The following PRR5L variants were observed in gnomAD, a reference collection of about 807,000 sequenced individuals.
The protein encoded by PRR5L is proline-rich protein 5-like.
A neutral mutation model predicts 36.4 loss-of-function variants in PRR5L; 21 were observed. The observed-to-expected ratio is 0.58, with a 90% CI of 0.41 to 0.83. The LOEUF (loss-of-function observed/expected upper bound fraction) is 0.83. Among genes scored for constraint, PRR5L ranks in the 40% least tolerant of loss-of-function variants. PRR5L has a pLI of 0.00. For synonymous variants in PRR5L, 188 were observed against 197.0 expected, an observed-to-expected ratio of 0.95 and a Z score of 0.38; for missense variants, 381 against 473.3, an observed-to-expected ratio of 0.80 and a Z score of 1.81.
At chr11:36,340,011 C>A (rs113232797) in intron 1 of PRR5L, among the ~76,000 whole-genome samples, 2 of 152,190 alleles carry the variant, frequency 1.3e-5, no homozygotes, top group Non-Finnish European at 2.9e-5. Context: ...TCCCTCCTTG[C>A]GTCCTTACAG....
chr11:36,378,719 G>A (rs1434326296), intron 1 of PRR5L, among the ~76,000 whole-genome samples: 1 of 152,182 alleles, frequency 6.6e-6, no homozygotes, highest in Non-Finnish European at 1.5e-5. Flanking sequence ...GGGGAAAGGT[G>A]CAAATGCCTC....
chr11:36,326,283 A>C (rs947162048), intron 1 of PRR5L, among the ~76,000 whole-genome samples: 5 of 143,678 alleles, frequency 3.5e-5, no homozygotes, highest in Non-Finnish European at 6.0e-5. Flanking sequence ...TAAACACTTT[A>C]GTGTGTCTCC....
chr11:36,343,334 T>C (rs1379907991), intron 1 of PRR5L, among the ~76,000 whole-genome samples: 1 of 152,238 alleles, frequency 6.6e-6, no homozygotes, highest in Non-Finnish European at 1.5e-5. Flanking sequence ...GTGTCTACCC[T>C]GTGTGAAAAG....
chr11:36,349,146 A>G lies in PRR5L; in HGVS notation c.-125-51851A>G, dbSNP rs549891454. ...CTAAAAATACAAAAATTAGCCGGGC[A>G]TGGTGGCGGGCGCCTGTAATCCCAG... On this transcript the variant is annotated intron_variant, in intron 1 of 8. Coordinates refer to ENST00000530639, the MANE Select transcript of PRR5L (RefSeq NM_001160167.2). 9.9e-5 allele frequency among the ~76,000 whole-genome samples: 15 copies of G among 152,126 alleles called. No individual in the cohort carries two copies. The South Asian group carries it at 2.7e-3, about 27-fold the overall frequency.
chr11:36,401,030 G>A lies in PRR5L; in HGVS notation c.-92G>A. ...TACGTTTGTGGTTTTAAGAAAGCCTGAGGGCCTGAAGGCAGCCCCTGGAGA... is the reference window on the plus strand; with the variant it reads ...TACGTTTGTGGTTTTAAGAAAGCCTAAGGGCCTGAAGGCAGCCCCTGGAGA... On this transcript the variant is annotated 5_prime_UTR_variant, in exon 2 of 9. Coordinates refer to ENST00000530639, the MANE Select transcript of PRR5L (RefSeq NM_001160167.2). 1 of 1,527,892 alleles carries A rather than the reference G, an allele frequency of 6.5e-7. No individual in the cohort carries two copies. The highest frequency in any genetic ancestry group is 8.8e-7 in the Non-Finnish European group (1 of 1,138,118). 94.6% of individuals were successfully genotyped at this position (1,527,892 alleles called of 1,614,324 possible). A position where few individuals can be genotyped will look rare whatever the true frequency, so the allele number is the denominator to read the frequency against.
chr11:36,429,689 C>T (rs1858453566), intron 4 of PRR5L, among the ~76,000 whole-genome samples: 1 of 152,158 alleles, frequency 6.6e-6, no homozygotes, highest in South Asian at 2.1e-4. Flanking sequence ...AGAAGAATGA[C>T]ATTTAGGAGC....
intron 1 of PRR5L, among the ~76,000 whole-genome samples, chr11:36,297,726 C>G (rs543547548): frequency 2.6e-5 from 4 of 152,192 alleles, no homozygotes; most frequent in Non-Finnish European, 5.9e-5. Context: ...ATGTCCAGTC[C>G]CAGGGAATCA....
At chr11:36,451,951 T>G (rs1228386423) in intron 8 of PRR5L, among the ~76,000 whole-genome samples, 1 of 152,106 alleles carries the variant, frequency 6.6e-6, no homozygotes, top group Non-Finnish European at 1.5e-5. Context: ...TGGAGATGAA[T>G]CAGATCTGTT....
At chr11:36,361,335 C>G (rs917494981) in intron 1 of PRR5L, among the ~76,000 whole-genome samples, 2 of 152,054 alleles carry the variant, frequency 1.3e-5, no homozygotes, top group Non-Finnish European at 2.9e-5. Context: ...GCTATATATA[C>G]CTTTTGCTTT....
In PRR5L at chr11:36,378,357, C is replaced by A. The variant is rs556799651; in HGVS notation, c.-125-22640C>A. Among the ~76,000 whole-genome samples the A allele has an allele frequency of 1.1e-4, 16 of 152,294 alleles. No individual in the cohort carries two copies. The South Asian group carries it at 2.9e-3, about 28-fold the overall frequency. On this transcript the variant is annotated intron_variant, in intron 1 of 8. Coordinates refer to ENST00000530639, the MANE Select transcript of PRR5L (RefSeq NM_001160167.2). ...AGCCCTAGAATCAGGATCAAGGGTG[C>A]TGTTTAGAGCGGTTTCTGTAGCATG...
At chr11:36,343,425 A>G (rs2422248) in intron 1 of PRR5L, among the ~76,000 whole-genome samples, 151,438 of 152,328 alleles carry the variant, frequency 0.99, 75,286 homozygotes, top group Non-Finnish European at 1. Flanking sequence ...CTGTCTGTAA[A>G]GGTCTCACAA....
intron 1 of PRR5L, chr11:36,376,639 T>C (rs1184083675): frequency 8.0e-6 from 8 of 994,590 alleles, no homozygotes; most frequent in Non-Finnish European, 8.4e-6. Context: ...GCGCGCGGAG[T>C]CTGGGGCGGA....
At chr11:36,376,718 G>T (rs1475407312) in intron 1 of PRR5L, 1 of 986,656 alleles carries the variant, frequency 1.0e-6, no homozygotes, top group Non-Finnish European at 1.2e-6. Context: ...AGTGGTGGGT[G>T]GGGGGCGTCT....
intron 8 of PRR5L, among the ~76,000 whole-genome samples, chr11:36,460,973 A>G (rs572134583): frequency 3.3e-4 from 51 of 152,278 alleles, no homozygotes; most frequent in African/African-American, 1.2e-3. Context: ...TCCAGTGTAC[A>G]TCCTCCAGGC....
intron 1 of PRR5L, among the ~76,000 whole-genome samples, chr11:36,400,768 C>A (rs1857774899): frequency 6.6e-6 from 1 of 152,188 alleles, no homozygotes; most frequent in South Asian, 2.1e-4. Flanking sequence ...GCAGGACTGG[C>A]CTTAGGCTGG....
intron 1 of PRR5L, among the ~76,000 whole-genome samples, chr11:36,374,090 C>T: frequency 8.4e-6 from 1 of 118,664 alleles, no homozygotes; most frequent in African/African-American, 3.7e-5. Context: ...TCCTTCCTTC[C>T]TTCCTTCCTT....
At chr11:36,456,834 G>A (rs1348959356) in intron 8 of PRR5L, among the ~76,000 whole-genome samples, 1 of 152,238 alleles carries the variant, frequency 6.6e-6, no homozygotes, top group Admixed American at 6.5e-5. Context: ...CAAGTGTGCT[G>A]GGCTCAAGCC....
Position 36,462,405 on chromosome 11 carries a change from C to T in PRR5L, c.776C>T (p.Ala259Val), listed in dbSNP as rs557394432. 76 of 1,568,310 alleles carry T rather than the reference C, an allele frequency of 4.8e-5. 1 individual carries two copies. In the Middle Eastern group the frequency reaches 1.4e-3, roughly 28 times the overall value. ...TVLNYASPIT[A>V]VSRPLNEMVL... ...CTGAACTATGCCTCCCCGATAACCG[C>T]AGTCAGCCGGCCACTGAATGAGATG... Residue 259 changes from alanine (A) to valine (V), a missense_variant, in exon 9 of 9, where the codon GCA (alanine) becomes GTA (valine). Physicochemically the swap from Ala to Val is moderately conservative, Grantham distance 64. Coordinates refer to ENST00000530639, the MANE Select transcript of PRR5L (RefSeq NM_001160167.2).
intron 5 of PRR5L, among the ~76,000 whole-genome samples, chr11:36,433,663 C>A (rs879642885): frequency 9.9e-5 from 15 of 152,148 alleles, no homozygotes; most frequent in Non-Finnish European, 1.6e-4. Flanking sequence ...GATTCTCATG[C>A]CTCAGCCTCT....
Sources: allele counts gnomAD v4.1 joint callset (sites outside exome capture counted in the v4.1 genomes callset), GRCh38; gene constraint gnomAD v4.1.1; transcripts MANE v1.5; gene names NCBI Gene and HGNC (gene_info 2026-07-23, HGNC 2026-07-21).